The following COL7A1 variants were observed in gnomAD, a reference collection of about 807,000 sequenced individuals.
The protein encoded by COL7A1 is collagen alpha-1(VII) chain.
Under a neutral mutation model 456.2 loss-of-function variants are expected in COL7A1, and 296 were observed. That is an observed-to-expected ratio of 0.65 (90% confidence interval 0.59 to 0.71). The LOEUF is 0.71. COL7A1 is among the 30% of genes least tolerant of loss of function. The pLI is 0.00. For synonymous variants in COL7A1, 1,464 were observed against 1,525.9 expected (o/e 0.96, Z 0.95); for missense variants, 3,441 against 4,017.2 (o/e 0.86, Z 3.88).
chr3:48,591,558 C>T lies in COL7A1; in HGVS notation c.1542G>A (p.Leu514=). ...PELPVSPVTD[L]QATELPGQRV... ...GCTGCCCGGGCAGCTCGGTGGCTTG[C>T]AGGTCTGTTACAGGGCTCACAGGCA... Residue 514 remains leucine (L), a synonymous_variant, in exon 13 of 119, where the codon CTG becomes CTA. Coordinates refer to ENST00000681320, the MANE Select transcript of COL7A1 (RefSeq NM_000094.4). This position sits in a 1 kb window ranked among gnomAD's most constrained non-coding sequence, Gnocchi z 7.0. 1.2e-6 allele frequency: 2 copies of T among 1,613,814 alleles called. No homozygotes were observed. The highest frequency in any genetic ancestry group is 1.1e-5 in the South Asian group (1 of 91,088).
At position 48,573,162 on chromosome 3, in the gene COL7A1, G is replaced by A; in HGVS notation, c.6714+12C>T. 2 of 1,614,002 alleles carry A rather than the reference G, an allele frequency of 1.2e-6. No homozygotes were observed. The highest frequency in any genetic ancestry group is 1.1e-5 in the South Asian group (1 of 91,078). ...CACGGTGTCCCTACAGGGGCCACAG[G>A]GACTCACTCACCACAAGGCCTGAAG... On this transcript the variant is annotated intron_variant, in intron 85 of 118. Transcript: ENST00000681320. The surrounding 1 kb of genome is among the most constrained non-coding windows in gnomAD (Gnocchi z 5.5).
chr3:48,565,806 G>A lies in COL7A1; in HGVS notation c.8408-138C>T. 1.2e-6 allele frequency: 1 copy of A among 848,646 alleles called. No individual in the cohort carries two copies. The highest frequency in any genetic ancestry group is 1.9e-6 in the Non-Finnish European group (1 of 514,340). The allele number at this position is 848,646 out of a possible 1,614,324, so 52.6% of individuals were successfully genotyped here. On this transcript the variant is annotated intron_variant, in intron 114 of 118. Coordinates refer to ENST00000681320, the MANE Select transcript of COL7A1 (RefSeq NM_000094.4). The surrounding 1 kb of genome is among the most constrained non-coding windows in gnomAD (Gnocchi z 4.5). ...GAGAGGGTAACAGGAGAGAGAGGAA[G>A]AGAGAGGGTGGGAGGTAGATAGAGA... is the stretch of plus-strand genomic sequence containing the variant.
Position 48,585,201 on chromosome 3 carries a change from G to T in COL7A1, c.3895-85C>A. On this transcript the variant is annotated intron_variant, in intron 32 of 118. Coordinates refer to ENST00000681320, the MANE Select transcript of COL7A1 (RefSeq NM_000094.4). The surrounding 1 kb of genome is among the most constrained non-coding windows in gnomAD (Gnocchi z 4.5). ...GGAGGGGCCTCACCCCATCAACAAG[G>T]GGTCGCCTACCCCACTGACCCCCAA... The T allele has an allele frequency of 7.3e-7, 1 of 1,376,450 alleles. No homozygotes were observed. Among genetic ancestry groups the T allele is most frequent in the South Asian group, 1.2e-5 (1 of 82,734 alleles). 85.3% of individuals were successfully genotyped at this position (1,376,450 alleles called of 1,614,324 possible).
chr3:48,570,484 G>A lies in COL7A1; in HGVS notation c.7361C>T (p.Ser2454Phe). The change falls in exon 97 of 119, where the codon TCT becomes TTT. Residue 2454 changes from serine (S) to phenylalanine (F), a missense_variant. By Grantham distance (155) the Ser-to-Phe change is radical. Coordinates refer to ENST00000681320, the MANE Select transcript of COL7A1 (RefSeq NM_000094.4). This position sits in a 1 kb window ranked among gnomAD's most constrained non-coding sequence, Gnocchi z 5.5. The stretch of plus-strand genomic sequence containing the variant: ...ACCTACCTTGTCTCCTTTGAGTCCA[G>A]AGGCCCCAGGTGGTCCCTGTAGGTC... ...PPGSVGPPGA[S>F]GLKGDKGDPG... is the part of the protein sequence containing the mutation. 1 of 1,614,088 alleles carries A rather than the reference G, an allele frequency of 6.2e-7. No individual in the cohort carries two copies. The highest frequency in any genetic ancestry group is 8.5e-7 in the Non-Finnish European group (1 of 1,179,980).
chr3:48,581,353 C>A lies in COL7A1; in HGVS notation c.4819-13G>T, dbSNP rs779045514. Reference sequence around the variant, plus strand: ...GCCCTGAGTCACCCTGTGGAGGAGGCAAGAGGGAGGTGATGCAGGACGCTC... The same window carrying A: ...GCCCTGAGTCACCCTGTGGAGGAGGAAAGAGGGAGGTGATGCAGGACGCTC... On this transcript the variant is annotated splice_polypyrimidine_tract_variant and intron_variant, in intron 51 of 118. Transcript: ENST00000681320. The surrounding 1 kb of genome is among the most constrained non-coding windows in gnomAD (Gnocchi z 5.8). 5 of 1,613,480 alleles carry A rather than the reference C, an allele frequency of 3.1e-6. No individual in the cohort carries two copies. The South Asian group carries it at 4.4e-5, about 14-fold the overall frequency.
In COL7A1 at chr3:48,584,723, C is replaced by T; in HGVS notation, c.4047+11G>A. On this transcript the variant is annotated intron_variant, in intron 35 of 118. Transcript: ENST00000681320. ...GGACATCCCGGCCGCCTCCCTTCCC[C>T]CTTCACCTACCGGCTCCCCCTTTGG... is the stretch of plus-strand genomic sequence containing the variant. The T allele has an allele frequency of 1.2e-6, 2 of 1,614,050 alleles. No individual in the cohort carries two copies. The highest frequency in any genetic ancestry group is 1.7e-6 in the Non-Finnish European group (2 of 1,180,036).
In COL7A1 at chr3:48,588,626, C is replaced by T. The variant is rs751163661; in HGVS notation, c.2587+16G>A. The stretch of plus-strand genomic sequence containing the variant: ...ACACCACCCATCCGAAGCTCTCCAG[C>T]GCATGCTCTGCCTACGCGTAGTGAC... On this transcript the variant is annotated intron_variant, in intron 20 of 118. Transcript: ENST00000681320. The surrounding 1 kb of genome is among the most constrained non-coding windows in gnomAD (Gnocchi z 4.6). The T allele has an allele frequency of 1.7e-5, 28 of 1,613,700 alleles. No individual in the cohort carries two copies. The highest frequency in any genetic ancestry group is 5.3e-5 in the African/African-American group (4 of 74,954).
chr3:48,594,754 T>G lies in COL7A1; in HGVS notation c.86-206A>C, dbSNP rs1452627396. ...AGACTCCCGCGGAGGGTTGGGGGTG[T>G]GCGGGGGAGGGAGAGTCGCCAGCAC... On this transcript the variant is annotated intron_variant, in intron 2 of 118. Transcript: ENST00000681320. This position sits in a 1 kb window ranked among gnomAD's most constrained non-coding sequence, Gnocchi z 5.5. 6.6e-6 allele frequency among the ~76,000 whole-genome samples: 1 copy of G among 151,670 alleles called. No homozygotes were observed. The highest frequency in any genetic ancestry group is 1.5e-5 in the Non-Finnish European group (1 of 67,910).
Position 48,580,307 on chromosome 3 carries a change from C to T in COL7A1, c.5090G>A (p.Gly1697Glu), listed in dbSNP as rs1560230851. 1 of 1,610,260 alleles carries T rather than the reference C, an allele frequency of 6.2e-7. No individual in the cohort carries two copies. The highest frequency in any genetic ancestry group is 8.5e-7 in the Non-Finnish European group (1 of 1,178,336). Residue 1697 changes from glycine (G) to glutamate (E), a missense_variant, in exon 56 of 119, where the codon GGG becomes GAG. Gly to Glu is a moderately conservative substitution (Grantham distance 98). Around this residue, in one of 3 missense-constraint regions of COL7A1, gnomAD observed 2,084 missense variants for 2,501.3 expected, o/e 0.83. Coordinates refer to ENST00000681320, the MANE Select transcript of COL7A1 (RefSeq NM_000094.4). This position sits in a 1 kb window ranked among gnomAD's most constrained non-coding sequence, Gnocchi z 4.5. The part of the protein sequence containing the change: ...PGSSGPKGDR[G>E]EPGPPGPPGR... The stretch of plus-strand genomic sequence containing the variant: ...GACACCAGCCCTACTCACCGGCTCC[C>T]CACGGTCACCCTTGGGTCCAGATGA...
rs2107637775 is a variant in COL7A1, at chr3:48,568,285, A to G, written c.7795-115T>C. 1.6e-6 allele frequency: 2 copies of G among 1,266,954 alleles called. No individual in the cohort carries two copies. The highest frequency in any genetic ancestry group is 4.7e-5 in the East Asian group (2 of 42,628). 78.5% of individuals were successfully genotyped at this position (1,266,954 alleles called of 1,614,324 possible). A position where few individuals can be genotyped will look rare whatever the true frequency, so the allele number is the denominator to read the frequency against. ...GGTGGGAGTCACCTCTGGAGGCCAG[A>G]GCCACTGGGGCTTGCCATGGGGACA... On this transcript the variant is annotated intron_variant, in intron 105 of 118. Transcript: ENST00000681320. This position sits in a 1 kb window ranked among gnomAD's most constrained non-coding sequence, Gnocchi z 5.2.
chr3:48,594,975 G>T lies in COL7A1; in HGVS notation c.85+100C>A. ...GGAATCCGCGGGGCGTCGTGGAGTT[G>T]GCTGGGTTGTGGGCGGGGGGTGTTG... is the stretch of plus-strand genomic sequence containing the variant. On this transcript the variant is annotated intron_variant, in intron 2 of 118. Coordinates refer to ENST00000681320, the MANE Select transcript of COL7A1 (RefSeq NM_000094.4). The surrounding 1 kb of genome is among the most constrained non-coding windows in gnomAD (Gnocchi z 5.5). 1 of 972,912 alleles carries T rather than the reference G, an allele frequency of 1.0e-6. No homozygotes were observed. Among genetic ancestry groups the T allele is most frequent in the East Asian group, 2.6e-5 (1 of 37,908 alleles). The allele number at this position is 972,912 out of a possible 1,614,324, so 60.3% of individuals were successfully genotyped here. A position where few individuals can be genotyped will look rare whatever the true frequency, so the allele number is the denominator to read the frequency against.
chr3:48,569,596 T>A lies in COL7A1; in HGVS notation c.7610A>T (p.Asp2537Val), dbSNP rs1184035143. 6.2e-7 allele frequency: 1 copy of A among 1,613,398 alleles called. No homozygotes were observed. The highest frequency in any genetic ancestry group is 8.5e-7 in the Non-Finnish European group (1 of 1,179,750). ...GPPGPRGAKG[D>V]MGERGPRGLD... ...TCCACACGTGGGCCCACTCACCATG[T>A]CCCCCTTGGCACCCCGTGGGCCTGG... Residue 2537 changes from aspartate to valine, a missense_variant, in exon 102 of 119, where the codon GAC becomes GTC. Asp to Val is a radical substitution (Grantham distance 152). Transcript: ENST00000681320. The surrounding 1 kb of genome is among the most constrained non-coding windows in gnomAD (Gnocchi z 4.9).
At chr3:48,589,289 A>C in intron 18 of COL7A1, 38 bp downstream of exon 18, 1 of 1,611,340 alleles carries the variant, frequency 6.2e-7, no homozygotes, top group Non-Finnish European at 8.5e-7. Context: ...CAGGGTAGCT[A>C]ATGCGGTGTG....
Position 48,594,632 on chromosome 3 carries a change from A to G in COL7A1, c.86-84T>C. 2.7e-6 allele frequency: 4 copies of G among 1,469,286 alleles called. No homozygotes were observed. In the South Asian group the frequency reaches 3.6e-5, roughly 13 times the overall value. 91.0% of individuals were successfully genotyped at this position (1,469,286 alleles called of 1,614,324 possible). On this transcript the variant is annotated intron_variant, in intron 2 of 118. Transcript: ENST00000681320. The surrounding 1 kb of genome is among the most constrained non-coding windows in gnomAD (Gnocchi z 5.5). ...CACGGTGGCCTCACTGGGACTTGGG[A>G]TGGTGGGGAGAGTAGGCCTCATCTT...
Position 48,584,081 on chromosome 3 carries a change from C to G in COL7A1, c.4198-20G>C. ...GTCACCCTAGAAAACAGATGACGAC[C>G]CCATGACCCTGGGCCACACCTCACT... On this transcript the variant is annotated intron_variant, in intron 37 of 118. Coordinates refer to ENST00000681320, the MANE Select transcript of COL7A1 (RefSeq NM_000094.4). 6.2e-7 allele frequency: 1 copy of G among 1,614,156 alleles called. No homozygotes were observed. The highest frequency in any genetic ancestry group is 8.5e-7 in the Non-Finnish European group (1 of 1,180,028).
Position 48,583,215 on chromosome 3 carries a change from G to A in COL7A1, c.4438-44C>T, listed in dbSNP as rs764993729. ...AGAAAGACAGAGAGAGAGAGGGTTGGTGGCGGGGCTTGAACGTCAAACCCC... is the reference window on the plus strand; with the variant it reads ...AGAAAGACAGAGAGAGAGAGGGTTGATGGCGGGGCTTGAACGTCAAACCCC... On this transcript the variant is annotated intron_variant, in intron 42 of 118. Transcript: ENST00000681320. This position sits in a 1 kb window ranked among gnomAD's most constrained non-coding sequence, Gnocchi z 5.1. The A allele has an allele frequency of 2.2e-5, 35 of 1,611,590 alleles. No individual in the cohort carries two copies. Among genetic ancestry groups the A allele is most frequent in the Non-Finnish European group, 2.6e-5 (31 of 1,179,024 alleles).
In COL7A1 at chr3:48,574,136, C is replaced by T. The variant is rs1182151332; in HGVS notation, c.6501+126G>A. The T allele has an allele frequency of 7.7e-7, 1 of 1,293,586 alleles. No homozygotes were observed. Among genetic ancestry groups the T allele is most frequent in the Non-Finnish European group, 1.1e-6 (1 of 900,336 alleles). 80.1% of individuals were successfully genotyped at this position (1,293,586 alleles called of 1,614,324 possible). On this transcript the variant is annotated intron_variant, in intron 80 of 118. Transcript: ENST00000681320. The surrounding 1 kb of genome is among the most constrained non-coding windows in gnomAD (Gnocchi z 5.0). ...AGACACAGGCACACACAAGCAGGCACACACAGAGAGGCACACAGACACAGG... is the reference window on the plus strand; with the variant it reads ...AGACACAGGCACACACAAGCAGGCATACACAGAGAGGCACACAGACACAGG...
chr3:48,568,944 T>A lies in COL7A1; in HGVS notation c.7687-89A>T. On this transcript the variant is annotated intron_variant, in intron 103 of 118. Coordinates refer to ENST00000681320, the MANE Select transcript of COL7A1 (RefSeq NM_000094.4). This position sits in a 1 kb window ranked among gnomAD's most constrained non-coding sequence, Gnocchi z 5.2. The stretch of plus-strand genomic sequence containing the variant: ...ACGAGCCCGCCAGCTGGGGCAGAGC[T>A]CAAGTCACTCCCGAACGGCCCTAGC... 1 of 1,321,446 alleles carries A rather than the reference T, an allele frequency of 7.6e-7. No homozygotes were observed. The highest frequency in any genetic ancestry group is 1.1e-6 in the Non-Finnish European group (1 of 942,826). 81.9% of individuals were successfully genotyped at this position (1,321,446 alleles called of 1,614,324 possible).
At position 48,583,901 on chromosome 3, in the gene COL7A1, G is replaced by A. The variant is rs199792365; in HGVS notation, c.4277C>T (p.Pro1426Leu). The change falls in exon 39 of 119, where the codon CCG (proline) becomes CTG (leucine). Residue 1426 changes from proline (P) to leucine (L), a missense_variant and splice_region_variant. Coordinates refer to ENST00000681320, the MANE Select transcript of COL7A1 (RefSeq NM_000094.4). The surrounding 1 kb of genome is among the most constrained non-coding windows in gnomAD (Gnocchi z 5.1). The stretch of plus-strand genomic sequence containing the variant: ...CAGCAGAGCCTCAAGGCCCCTCACC[G>A]GCAGCCCAGGCTCCCCAGGAGCAAT... The part of the protein sequence containing the change: ...GGIAPGEPGL[P>L]GLPGSPGPQG... 32 of 1,613,808 alleles carry A rather than the reference G, an allele frequency of 2.0e-5. No individual in the cohort carries two copies. Among genetic ancestry groups the A allele is most frequent in the Middle Eastern group, 1.6e-4 (1 of 6,062 alleles).
Sources: gnomAD v4.1 joint callset for allele counts (sites outside exome capture counted in the v4.1 genomes callset) on GRCh38, gnomAD v4.1.1 for gene constraint, gnomAD v4.1.1 regional missense constraint, Gnocchi (gnomAD v3.1) non-coding constraint, MANE v1.5 for transcripts, NCBI Gene and HGNC (gene_info 2026-07-23, HGNC 2026-07-21) for gene names.